Variants in USP9X observed in about 807,000 individuals in gnomAD.
USP9X encodes the protein ubiquitin specific peptidase 9 X-linked.
A neutral mutation model predicts 190.3 loss-of-function variants in USP9X; 7 were observed. The ratio of observed to expected loss-of-function variants is 0.04; its 90% confidence interval spans 0.02 to 0.07. USP9X has a LOEUF of 0.07. USP9X is among the 10% of genes least tolerant of loss of function. The probability of loss-of-function intolerance (pLI) is 1.00; values close to 1 mark genes in which losing one functional copy is unlikely to be tolerated. For missense variants in USP9X, 1,010 were observed against 1,916.9 expected (o/e 0.53, Z 8.83); for synonymous variants, 645 against 659.5 (o/e 0.98, Z 0.34).
chrX:41,219,529 CTGAT>C (rs1344377762), intron 38 of USP9X, among the ~76,000 whole-genome samples: 3 of 109,745 alleles, frequency 2.7e-5, no homozygotes, highest in Admixed American at 9.8e-5. Flanking sequence ...TCTTCTCACA[CTGAT>C]TGAATCAGCA....
intron 3 of USP9X, among the ~76,000 whole-genome samples, chrX:41,130,473 C>CTTTTTTTTTTTTTTTTTTTTTTT (rs1274142843): frequency 2.2e-5 from 2 of 91,215 alleles, no homozygotes; most frequent in Admixed American, 1.2e-4. Context: ...TTCTTTTTTT[C>CTTTTTTTTTTTTTTTTTTTTTTT]TTTTTTTTTT....
At chrX:41,165,816 C>A in intron 15 of USP9X, 56 bp from the exon 16 acceptor site, 1 of 1,042,265 alleles carries the variant, frequency 9.6e-7, no homozygotes, top group Non-Finnish European at 1.3e-6. Context: ...ATACAGATTG[C>A]CTTTCCGGAT....
intron 32 of USP9X, among the ~76,000 whole-genome samples, chrX:41,208,675 T>G (rs973740182): frequency 1.8e-4 from 20 of 111,472 alleles, no homozygotes; most frequent in African/African-American, 6.2e-4. Context: ...GGTTTTTGGT[T>G]TATTTTTTTT....
chrX:41,206,932 G>A (rs941657361), intron 32 of USP9X, among the ~76,000 whole-genome samples: 48 of 108,158 alleles, frequency 4.4e-4, no homozygotes, highest in Non-Finnish European at 8.6e-4. Context: ...TTACAGGCGT[G>A]GGCCAACCAT....
intron 38 of USP9X, among the ~76,000 whole-genome samples, chrX:41,219,605 T>G (rs752303591): frequency 8.9e-6 from 1 of 111,748 alleles, no homozygotes; most frequent in South Asian, 3.7e-4. Context: ...GTTGTGATAC[T>G]CACCAAATTT....
At chrX:41,186,811 A>G (rs966101748) in intron 24 of USP9X, among the ~76,000 whole-genome samples, 169 bp downstream of exon 24, 1 of 106,209 alleles carries the variant, frequency 9.4e-6, no homozygotes, top group African/African-American at 3.4e-5. Context: ...GCATCCTTTT[A>G]AAGTATACAG....
chrX:41,141,496 C>G (rs1693785780), intron 9 of USP9X, 65 bp downstream of exon 9: 2 of 1,006,289 alleles, frequency 2.0e-6, no homozygotes, highest in Admixed American at 4.0e-5. Flanking sequence ...TAGAATAGCT[C>G]TAGCTAAAAA....
chrX:41,148,804 T>G (rs2062494513), intron 12 of USP9X, among the ~76,000 whole-genome samples: 1 of 112,140 alleles, frequency 8.9e-6, no homozygotes, highest in Admixed American at 9.5e-5. Context: ...CAGAACAGAT[T>G]ATACAGTGGT....
At chrX:41,119,048 T>A (rs1260575250) in intron 1 of USP9X, among the ~76,000 whole-genome samples, 1 of 111,865 alleles carries the variant, frequency 8.9e-6, no homozygotes, top group East Asian at 2.8e-4. Context: ...TCTGTGGACC[T>A]TCTTCTCATG....
chrX:41,118,135 G>T (rs1012463029), intron 1 of USP9X, among the ~76,000 whole-genome samples: 1 of 112,145 alleles, frequency 8.9e-6, no homozygotes, highest in Non-Finnish European at 1.9e-5. Flanking sequence ...GGGATTACAG[G>T]CGTGAAACAC....
At chrX:41,103,315 G>A (rs759988678) in intron 1 of USP9X, among the ~76,000 whole-genome samples, 6 of 112,375 alleles carry the variant, frequency 5.3e-5, no homozygotes, top group Non-Finnish European at 7.5e-5. Context: ...AAGTCTTTTC[G>A]TTTTGATGAT....
chrX:41,200,947 G>A lies in USP9X; in HGVS notation c.4604-113G>A, dbSNP rs1019923806. The A allele has an allele frequency of 1.7e-5, 13 of 756,938 alleles. No homozygotes were observed. The Admixed American group carries it at 3.0e-4, about 17-fold the overall frequency. 62.4% of individuals were successfully genotyped at this position (756,938 alleles called of 1,213,427 possible). On this transcript the variant is annotated intron_variant, in intron 30 of 44. Coordinates refer to ENST00000378308, the MANE Select transcript of USP9X (RefSeq NM_001039591.3). ...GAACACTGCTTCAGGTTGCTGTAGG[G>A]TTAGTCGAATTATGGGTGGTAGAAT... is the stretch of plus-strand genomic sequence containing the variant.
intron 13 of USP9X, 61 bp from the exon 14 acceptor site, chrX:41,152,887 C>G (rs1284815564): frequency 9.0e-7 from 1 of 1,115,623 alleles, no homozygotes; most frequent in Non-Finnish European, 1.2e-6. Context: ...ATAGTACGAA[C>G]TCTTCTGGTT....
intron 26 of USP9X, chrX:41,195,935 G>T (rs1187746117): frequency 5.1e-6 from 2 of 392,151 alleles, no homozygotes; most frequent in African/African-American, 5.0e-5. Context: ...AGATGCATAA[G>T]GTTATTGTAG....
chrX:41,156,600 T>A (rs2062581052), intron 14 of USP9X, among the ~76,000 whole-genome samples: 1 of 111,581 alleles, frequency 9.0e-6, no homozygotes, highest in South Asian at 3.7e-4. Flanking sequence ...GAGTGCAATC[T>A]GAAAAAATCA....
intron 1 of USP9X, among the ~76,000 whole-genome samples, chrX:41,122,146 CAG>C (rs1290344899): frequency 9.0e-6 from 1 of 110,625 alleles, no homozygotes; most frequent in East Asian, 2.8e-4. Flanking sequence ...GGGATCTTAA[CAG>C]AAATTTGTTC....
intron 28 of USP9X, 120 bp from the exon 29 acceptor site, chrX:41,197,244 A>C: frequency 2.2e-6 from 1 of 453,259 alleles, no homozygotes; most frequent in Non-Finnish European, 3.6e-6. Flanking sequence ...GACTTAAGGA[A>C]ATTATCTCAT....
chrX:41,200,195 A>G (rs1448019952), intron 30 of USP9X, among the ~76,000 whole-genome samples: 3 of 104,815 alleles, frequency 2.9e-5, no homozygotes, highest in Non-Finnish European at 4.0e-5. Flanking sequence ...TATCAAATCT[A>G]TGTATTGTGA....
chrX:41,216,443 T>C lies in USP9X; in HGVS notation c.5876T>C (p.Ile1959Thr). The C allele has an allele frequency of 8.3e-7, 1 of 1,211,318 alleles. No individual in the cohort carries two copies. Among genetic ancestry groups the C allele is most frequent in the Non-Finnish European group, 1.1e-6 (1 of 895,423 alleles). Residue 1959 changes from isoleucine (I) to threonine (T), a missense_variant, in exon 35 of 45, where the codon ATA becomes ACA. Ile to Thr is a moderately conservative substitution (Grantham distance 89, BLOSUM62 -1). Transcript: ENST00000378308. The stretch of plus-strand genomic sequence containing the variant: ...CTTTTTTATGAACGAATGGACACAA[T>C]AGACCAAGATGATGAGTTGATAAGA... The part of the protein sequence containing the change: ...YILFYERMDT[I>T]DQDDELIRYI...
Sources: allele counts gnomAD v4.1 joint callset (sites outside exome capture counted in the v4.1 genomes callset), GRCh38; gene constraint gnomAD v4.1.1; transcripts MANE v1.5; gene names NCBI Gene and HGNC (gene_info 2026-07-23, HGNC 2026-07-21).